THRB: variants seen among roughly 807,000 people sequenced by gnomAD.
THRB encodes the protein thyroid hormone receptor beta, also known as nuclear receptor subfamily 1 group A member 2.
In THRB, 12 loss-of-function variants were observed where a neutral mutation model predicts 47.8. That is an observed-to-expected ratio of 0.25 (90% CI 0.16 to 0.41). THRB has a LOEUF of 0.41. Among genes scored for constraint, THRB ranks in the 10% least tolerant of loss-of-function variants. THRB has a pLI of 1.00. For missense variants in THRB, 348 were observed against 589.2 expected, an observed-to-expected ratio of 0.59 and a Z score of 4.24; for synonymous variants, 218 against 212.2, an observed-to-expected ratio of 1.03 and a Z score of -0.24.
intron 4 of THRB, among the ~76,000 whole-genome samples, chr3:24,194,613 C>T (rs1402619449): frequency 2.0e-5 from 3 of 152,188 alleles, no homozygotes; most frequent in African/African-American, 7.2e-5. Flanking sequence ...ATTAGGTTTG[C>T]ATTCGATGAC....
At chr3:24,423,706 A>G (rs1382309843) in intron 1 of THRB, among the ~76,000 whole-genome samples, 2 of 151,890 alleles carry the variant, frequency 1.3e-5, no homozygotes, top group Non-Finnish European at 2.9e-5. Context: ...TCTGTGTACT[A>G]TATCTGGTGT....
chr3:24,168,521 G>A (rs1158636678), intron 5 of THRB, among the ~76,000 whole-genome samples: 3 of 130,404 alleles, frequency 2.3e-5, no homozygotes, highest in Non-Finnish European at 5.1e-5. Context: ...GCGCCTAGGT[G>A]TGACTTATAG....
chr3:24,354,462 A>G (rs188273621), intron 1 of THRB, among the ~76,000 whole-genome samples: 18 of 152,322 alleles, frequency 1.2e-4, no homozygotes, highest in African/African-American at 3.8e-4. Context: ...ACAAAGCATA[A>G]TGAGTGACTA....
intron 3 of THRB, among the ~76,000 whole-genome samples, chr3:24,240,727 G>A (rs2049399883): frequency 6.6e-6 from 1 of 152,102 alleles, no homozygotes; most frequent in African/African-American, 2.4e-5. Flanking sequence ...CCAATTGCTG[G>A]GCTCCATTCC....
Position 24,222,246 on chromosome 3 carries a change from C to T in THRB, c.22+6692G>A, listed in dbSNP as rs941702325. Among the ~76,000 whole-genome samples the T allele has an allele frequency of 3.3e-5, 5 of 152,012 alleles. No homozygotes were observed. The South Asian group carries it at 6.2e-4, about 19-fold the overall frequency. On this transcript the variant is annotated intron_variant, in intron 4 of 10. Transcript: ENST00000646209. ...TCCTCTTCTACCAATTTGTGTGTGACAGGAAAAAAAAGTAAGATGACAAAT... is the reference window on the plus strand; with the variant it reads ...TCCTCTTCTACCAATTTGTGTGTGATAGGAAAAAAAAGTAAGATGACAAAT...
intron 4 of THRB, among the ~76,000 whole-genome samples, chr3:24,218,833 G>A (rs1265787483): frequency 3.3e-5 from 5 of 152,128 alleles, no homozygotes; most frequent in Non-Finnish European, 7.4e-5. Context: ...CTGCTCACCA[G>A]AGTGCTATAT....
At chr3:24,477,702 G>T (rs1354757712) in intron 1 of THRB, among the ~76,000 whole-genome samples, 1 of 151,870 alleles carries the variant, frequency 6.6e-6, no homozygotes, top group Non-Finnish European at 1.5e-5. Context: ...CGCAGGATAC[G>T]TACAGCACAC....
At chr3:24,386,103 G>A (rs2066080918) in intron 1 of THRB, among the ~76,000 whole-genome samples, 1 of 152,112 alleles carries the variant, frequency 6.6e-6, no homozygotes, top group Admixed American at 6.6e-5. Context: ...TTCCAAGGAG[G>A]AGGTTCCAGA....
At chr3:24,362,368 C>G (rs1338851299) in intron 1 of THRB, among the ~76,000 whole-genome samples, 2 of 152,178 alleles carry the variant, frequency 1.3e-5, no homozygotes, top group Non-Finnish European at 2.9e-5. Context: ...AGCCTCTGCA[C>G]TAGCTGCCCC....
intron 1 of THRB, among the ~76,000 whole-genome samples, chr3:24,434,966 T>C (rs2070795581): frequency 3.3e-5 from 5 of 152,162 alleles, no homozygotes; most frequent in Admixed American, 2.6e-4. Context: ...GAATGGGGCA[T>C]GTTCAGATTG....
chr3:24,252,358 A>G (rs1231901179), intron 3 of THRB, among the ~76,000 whole-genome samples: 2 of 152,152 alleles, frequency 1.3e-5, no homozygotes, highest in Non-Finnish European at 2.9e-5. Context: ...ACAATATAAT[A>G]AAAACTGGCT....
At chr3:24,228,817 C>G (rs1377312283) in intron 4 of THRB, 121 bp downstream of exon 4, 3 of 909,454 alleles carry the variant, frequency 3.3e-6, no homozygotes, top group Non-Finnish European at 5.3e-6. Flanking sequence ...TTTAATAACA[C>G]TTATTGGTTT....
intron 4 of THRB, among the ~76,000 whole-genome samples, chr3:24,198,179 A>G (rs1016821253): frequency 6.6e-6 from 1 of 152,198 alleles, no homozygotes. Context: ...ACTCTGCCCC[A>G]GCTGATGCCA....
intron 9 of THRB, among the ~76,000 whole-genome samples, chr3:24,130,673 C>A (rs562529567): frequency 1.3e-5 from 2 of 152,264 alleles, no homozygotes; most frequent in Non-Finnish European, 2.9e-5. Context: ...GGGAAACAAG[C>A]CCTTCGGTGC....
At chr3:24,281,228 C>T (rs955346445) in intron 3 of THRB, among the ~76,000 whole-genome samples, 16 of 152,256 alleles carry the variant, frequency 1.1e-4, no homozygotes, top group South Asian at 8.3e-4. Context: ...ATCAGACTAA[C>T]AGCAGATCTC....
At chr3:24,348,559 T>C (rs533751614) in intron 1 of THRB, 4 of 152,394 alleles carry the variant, frequency 2.6e-5, no homozygotes, top group East Asian at 1.9e-4. Flanking sequence ...CCCGCTCACC[T>C]GGCCCTTTTC....
At chr3:24,407,237 G>T (rs1210700364) in intron 1 of THRB, among the ~76,000 whole-genome samples, 1 of 151,740 alleles carries the variant, frequency 6.6e-6, no homozygotes, top group Non-Finnish European at 1.5e-5. Context: ...TCAGGAATAC[G>T]ACCCTTTGCT....
At chr3:24,268,132 T>C (rs941811205) in intron 3 of THRB, among the ~76,000 whole-genome samples, 1 of 152,108 alleles carries the variant, frequency 6.6e-6, no homozygotes, top group African/African-American at 2.4e-5. Flanking sequence ...GCCAACATCA[T>C]CGAGATTATA....
chr3:24,383,170 T>C (rs1383692054), intron 1 of THRB, among the ~76,000 whole-genome samples: 3 of 152,210 alleles, frequency 2.0e-5, no homozygotes, highest in South Asian at 4.1e-4. Flanking sequence ...GTTGGTAATA[T>C]GTGTTTTTGC....
Sources: allele counts gnomAD v4.1 joint callset (sites outside exome capture counted in the v4.1 genomes callset), GRCh38; gene constraint gnomAD v4.1.1; transcripts MANE v1.5; gene names NCBI Gene and HGNC (gene_info 2026-07-23, HGNC 2026-07-21).